ALMS1: variants seen among roughly 807,000 people sequenced by gnomAD.
ALMS1 encodes the protein ALMS1 centrosome and basal body associated protein, also known as centrosome-associated protein ALMS1.
ALMS1 carries 271 observed loss-of-function variants against 352.2 expected under a neutral mutation model. That is an observed-to-expected ratio of 0.77 (90% confidence interval 0.70 to 0.85). The LOEUF is 0.85. Ranked by LOEUF, ALMS1 falls within the 40% of genes least tolerant of loss-of-function variation. The probability of loss-of-function intolerance (pLI) is 0.00; values close to 1 mark genes in which losing one functional copy is unlikely to be tolerated. For missense variants in ALMS1, 5,445 were observed against 4,870.7 expected (o/e 1.12, Z -3.51); for synonymous variants, 1,865 against 1,761.2 (o/e 1.06, Z -1.48).
chr2:73,585,939 T>C (rs1558704899), intron 16 of ALMS1, among the ~76,000 whole-genome samples: 1 of 152,016 alleles, frequency 6.6e-6, no homozygotes. Flanking sequence ...TTGTATTTTG[T>C]ATTTTAGTAG....
intron 5 of ALMS1, among the ~76,000 whole-genome samples, chr2:73,425,767 C>T (rs1044584607): frequency 3.3e-5 from 5 of 152,170 alleles, no homozygotes; most frequent in South Asian, 4.1e-4. Flanking sequence ...TCCATGCTAT[C>T]AGTCTACTCC....
intron 16 of ALMS1, among the ~76,000 whole-genome samples, chr2:73,596,456 G>A (rs1675550261): frequency 1.3e-5 from 2 of 150,270 alleles, no homozygotes; most frequent in South Asian, 4.2e-4. Context: ...CTGTTCCATT[G>A]ATATGTCTGT....
At chr2:73,593,338 C>T (rs1675471791) in intron 16 of ALMS1, among the ~76,000 whole-genome samples, 1 of 152,136 alleles carries the variant, frequency 6.6e-6, no homozygotes, top group South Asian at 2.1e-4. Context: ...GTGCTTGGCC[C>T]AGCTTTAGAG....
At chr2:73,414,280 A>G (rs1353351066) in intron 2 of ALMS1, among the ~76,000 whole-genome samples, 1 of 151,976 alleles carries the variant, frequency 6.6e-6, no homozygotes, top group Non-Finnish European at 1.5e-5. Flanking sequence ...TCTATTTCCT[A>G]TTATTCATTA....
chr2:73,512,293 G>C (rs139168078), intron 10 of ALMS1, among the ~76,000 whole-genome samples: 12,127 of 151,918 alleles, frequency 0.08, 1,233 homozygotes, highest in African/African-American at 0.23. Flanking sequence ...CCATATTGGT[G>C]AGGCTGGTCT....
At chr2:73,474,310 A>C (rs907063823) in intron 9 of ALMS1, among the ~76,000 whole-genome samples, 1 of 151,892 alleles carries the variant, frequency 6.6e-6, no homozygotes, top group African/African-American at 2.4e-5. Flanking sequence ...TTTGTATCAC[A>C]TGGTAATACG....
At chr2:73,445,475 TAAA>T (rs1337683569) in intron 7 of ALMS1, among the ~76,000 whole-genome samples, 1 of 152,122 alleles carries the variant, frequency 6.6e-6, no homozygotes. Flanking sequence ...GTGCTAGTAT[TAAA>T]ACCCATAATA....
At chr2:73,605,912 G>C (rs902719103) in intron 21 of ALMS1, among the ~76,000 whole-genome samples, 5 of 151,978 alleles carry the variant, frequency 3.3e-5, no homozygotes, top group African/African-American at 1.2e-4. Context: ...AGAAGATCAA[G>C]AGTTACCTGA....
rs2103892484 is a variant in ALMS1 at position 73,490,570 on chromosome 2, A to G, written c.8611A>G (p.Thr2871Ala). 1 of 1,614,198 alleles carries G rather than the reference A, an allele frequency of 6.2e-7. No individual in the cohort carries two copies. The highest frequency in any genetic ancestry group is 8.5e-7 in the Non-Finnish European group (1 of 1,180,020). ...SRLGVKEKNV[T>A]ITPDLPSCIF... is the part of the protein sequence containing the mutation. The stretch of plus-strand genomic sequence containing the variant: ...ACTAGGAGTAAAAGAGAAGAATGTA[A>G]CTATAACTCCAGATCTTCCTTCTTG... Residue 2871 changes from threonine to alanine, a missense_variant, in exon 10 of 23, where the codon ACT becomes GCT. Physicochemically the swap from Thr to Ala is moderately conservative, Grantham distance 58. Transcript: ENST00000613296.
chr2:73,520,609 T>C (rs1673656414), intron 11 of ALMS1, among the ~76,000 whole-genome samples: 1 of 152,270 alleles, frequency 6.6e-6, no homozygotes, highest in African/African-American at 2.4e-5. Context: ...GGAGCACATA[T>C]AGGAGATGTT....
At chr2:73,429,169 C>G (rs937935296) in intron 6 of ALMS1, among the ~76,000 whole-genome samples, 2 of 151,656 alleles carry the variant, frequency 1.3e-5, no homozygotes, top group African/African-American at 4.8e-5. Context: ...TGTTAGTTCT[C>G]TTCACTTTGC....
At chr2:73,508,805 A>G (rs1486567546) in intron 10 of ALMS1, among the ~76,000 whole-genome samples, 1 of 152,216 alleles carries the variant, frequency 6.6e-6, no homozygotes, top group East Asian at 1.9e-4. Context: ...TGATTTGTCT[A>G]ATATTGACAA....
At chr2:73,603,522 T>C in intron 21 of ALMS1, 1 of 546,436 alleles carries the variant, frequency 1.8e-6, no homozygotes. Context: ...CTCACTAATT[T>C]GCATGTCTTA....
intron 15 of ALMS1, among the ~76,000 whole-genome samples, chr2:73,571,388 T>A (rs1674923229): frequency 6.6e-6 from 1 of 152,186 alleles, no homozygotes; most frequent in Non-Finnish European, 1.5e-5. Flanking sequence ...ATTCTGCAGA[T>A]CTAAGATCAA....
chr2:73,467,524 A>C (rs1672381026), intron 9 of ALMS1, among the ~76,000 whole-genome samples: 2 of 152,130 alleles, frequency 1.3e-5, no homozygotes, highest in Admixed American at 6.6e-5. Context: ...ACTGGTACAC[A>C]ACTCTTAAAA....
At chr2:73,469,933 C>T (rs949540567) in intron 9 of ALMS1, 1 of 151,806 alleles carries the variant, frequency 6.6e-6, no homozygotes, top group African/African-American at 2.4e-5. Flanking sequence ...ATGGATAACT[C>T]CTGTGCCATA....
chr2:73,533,666 G>C (rs1341676904), intron 11 of ALMS1, among the ~76,000 whole-genome samples: 1 of 151,964 alleles, frequency 6.6e-6, no homozygotes, highest in Non-Finnish European at 1.5e-5. Context: ...TTGGACACGA[G>C]GTCATATTTG....
At chr2:73,559,672 G>T (rs1674618007) in intron 15 of ALMS1, among the ~76,000 whole-genome samples, 1 of 152,256 alleles carries the variant, frequency 6.6e-6, no homozygotes, top group Admixed American at 6.5e-5. Context: ...GAGTCAAGGA[G>T]CTAAACTACC....
chr2:73,460,780 C>T (rs952143453), intron 9 of ALMS1, among the ~76,000 whole-genome samples: 5 of 152,224 alleles, frequency 3.3e-5, no homozygotes, highest in Non-Finnish European at 5.9e-5. Flanking sequence ...AACGGCACAC[C>T]AGGAGATTAT....
Sources: gnomAD v4.1 joint callset for allele counts (sites outside exome capture counted in the v4.1 genomes callset) on GRCh38, gnomAD v4.1.1 for gene constraint, MANE v1.5 for transcripts, NCBI Gene and HGNC (gene_info 2026-07-23, HGNC 2026-07-21) for gene names.